Variants in TENM2 observed in about 807,000 individuals in gnomAD.
TENM2 encodes the protein teneurin transmembrane protein 2.
TENM2 carries 52 observed loss-of-function variants against 245.2 expected under a neutral mutation model. That is an observed-to-expected ratio of 0.21 (90% confidence interval 0.17 to 0.27). TENM2 has a LOEUF of 0.27. TENM2 is among the 10% of genes least tolerant of loss of function. The pLI is 1.00. For missense variants in TENM2, 3,046 were observed against 3,666.8 expected, an observed-to-expected ratio of 0.83 and a Z score of 4.37; for synonymous variants, 1,363 against 1,438.9, an observed-to-expected ratio of 0.95 and a Z score of 1.19.
chr5:167,192,744 C>A, the TENM2 span, among the ~76,000 whole-genome samples: 2 of 152,030 alleles, frequency 1.3e-5, no homozygotes, highest in African/African-American at 4.8e-5. Context: ...GTTAGGAAAT[C>A]TCACGGTACT....
intron 1 of TENM2, among the ~76,000 whole-genome samples, chr5:167,367,060 G>C (rs1760103339): frequency 6.6e-6 from 1 of 152,086 alleles, no homozygotes; most frequent in South Asian, 2.1e-4. Context: ...GCTTTGTTCA[G>C]ATTGGAATGG....
intron 4 of TENM2, among the ~76,000 whole-genome samples, chr5:167,968,267 T>G (rs1187018869): frequency 6.6e-6 from 1 of 152,146 alleles, no homozygotes; most frequent in Non-Finnish European, 1.5e-5. Context: ...CTTTGAGAGG[T>G]CATGGCAAAG....
At chr5:167,113,513 T>C in the TENM2 span, among the ~76,000 whole-genome samples, 2 of 151,832 alleles carry the variant, frequency 1.3e-5, no homozygotes, top group African/African-American at 4.8e-5. Flanking sequence ...CATGGTGGCA[T>C]GCACCTGTAG....
chr5:168,035,071 A>G (rs1451171037), intron 5 of TENM2, among the ~76,000 whole-genome samples: 1 of 152,182 alleles, frequency 6.6e-6, no homozygotes, highest in African/African-American at 2.4e-5. Flanking sequence ...GATTTTGAAG[A>G]CTTAGTGCAA....
chr5:167,033,838 C>T, the TENM2 span, among the ~76,000 whole-genome samples: 19 of 152,182 alleles, frequency 1.2e-4, no homozygotes, highest in African/African-American at 4.1e-4. Context: ...AGTAGACACA[C>T]TGTCAACACC....
At chr5:167,861,887 G>A (rs1771848040) in intron 2 of TENM2, among the ~76,000 whole-genome samples, 1 of 152,188 alleles carries the variant, frequency 6.6e-6, no homozygotes, top group Admixed American at 6.5e-5. Flanking sequence ...TTCTCTGTTG[G>A]ATTAAAAAGA....
intron 2 of TENM2, among the ~76,000 whole-genome samples, chr5:167,804,690 A>C (rs1272413523): frequency 6.6e-6 from 1 of 152,122 alleles, no homozygotes; most frequent in Non-Finnish European, 1.5e-5. Context: ...GACCTGTCTC[A>C]CAGCTCAGCC....
At chr5:167,713,415 G>A (rs1346670696) in intron 2 of TENM2, among the ~76,000 whole-genome samples, 2 of 151,324 alleles carry the variant, frequency 1.3e-5, no homozygotes, top group Non-Finnish European at 2.9e-5. Context: ...TATCTTCCTG[G>A]TGAATCATTT....
chr5:167,780,219 G>T (rs1229818028), intron 2 of TENM2, among the ~76,000 whole-genome samples: 1 of 152,170 alleles, frequency 6.6e-6, no homozygotes. Flanking sequence ...CTTCATAACA[G>T]TCGATCCTTG....
chr5:168,147,740 A>T (rs1435903414), intron 12 of TENM2, among the ~76,000 whole-genome samples: 2 of 152,202 alleles, frequency 1.3e-5, no homozygotes, highest in Non-Finnish European at 1.5e-5. Context: ...ATGTGCCATT[A>T]ATCAAGCAGG....
chr5:167,816,009 TG>T, intron 2 of TENM2, among the ~76,000 whole-genome samples: 2 of 151,374 alleles, frequency 1.3e-5, no homozygotes, highest in African/African-American at 4.9e-5. Flanking sequence ...TGTGTGTGTG[TG>T]TTTCTCCTCT....
the TENM2 span, among the ~76,000 whole-genome samples, chr5:167,104,112 G>A: frequency 1.3e-5 from 2 of 151,776 alleles, no homozygotes; most frequent in Non-Finnish European, 2.9e-5. Flanking sequence ...GGATCACCCT[G>A]TATCATAATT....
chr5:168,022,466 A>G (rs1318721395), intron 5 of TENM2, among the ~76,000 whole-genome samples: 1 of 152,170 alleles, frequency 6.6e-6, no homozygotes, highest in African/African-American at 2.4e-5. Flanking sequence ...TTATGTTTTC[A>G]TTGTCTAGCC....
intron 2 of TENM2, among the ~76,000 whole-genome samples, chr5:167,447,060 A>G (rs1765269142): frequency 6.6e-6 from 1 of 152,196 alleles, no homozygotes; most frequent in South Asian, 2.1e-4. Context: ...AGCATTTCAC[A>G]TTGGGGTTTT....
At chr5:167,185,938 C>A in the TENM2 span, among the ~76,000 whole-genome samples, 15 of 152,160 alleles carry the variant, frequency 9.9e-5, no homozygotes, top group African/African-American at 3.1e-4. Flanking sequence ...CCAAACCACA[C>A]TGACTCCTCG....
the TENM2 span, among the ~76,000 whole-genome samples, chr5:167,187,344 T>C: frequency 6.6e-6 from 1 of 152,218 alleles, no homozygotes; most frequent in East Asian, 1.9e-4. Flanking sequence ...CTGCCTCCTC[T>C]GATGCTGATT....
chr5:168,242,827 C>T (rs1463301695), intron 25 of TENM2, among the ~76,000 whole-genome samples: 1 of 152,020 alleles, frequency 6.6e-6, no homozygotes, highest in Non-Finnish European at 1.5e-5. Context: ...ATGGCACATG[C>T]CTCTAATCCC....
chr5:167,778,059 C>A (rs1763934231), intron 2 of TENM2, among the ~76,000 whole-genome samples: 1 of 152,170 alleles, frequency 6.6e-6, no homozygotes, highest in Non-Finnish European at 1.5e-5. Flanking sequence ...ACATGGACTG[C>A]AAAGGGTAAA....
intron 2 of TENM2, among the ~76,000 whole-genome samples, chr5:167,401,841 A>G (rs1455538785): frequency 1.3e-5 from 2 of 152,104 alleles, no homozygotes; most frequent in Non-Finnish European, 1.5e-5. Flanking sequence ...TTTCAGTTGT[A>G]ACTTTCTCTT....
Sources: gnomAD v4.1 joint callset for allele counts (sites outside exome capture counted in the v4.1 genomes callset) on GRCh38, gnomAD v4.1.1 for gene constraint, MANE v1.5 for transcripts, NCBI Gene and HGNC (gene_info 2026-07-23, HGNC 2026-07-21) for gene names.